The following ROS1 variants were observed in gnomAD, a reference collection of about 807,000 sequenced individuals.
ROS1 encodes the protein proto-oncogene tyrosine-protein kinase ROS.
Under a neutral mutation model 273.5 loss-of-function variants are expected in ROS1, and 263 were observed. The observed-to-expected ratio is 0.96, with a 90% confidence interval of 0.87 to 1.06. The LOEUF (loss-of-function observed/expected upper bound fraction) is 1.06, where lower values mean the gene tolerates loss of function less well. Among genes scored for constraint, ROS1 ranks in the 50% least tolerant of loss-of-function variants. ROS1 has a pLI of 0.00. For synonymous variants in ROS1, 1,008 were observed against 954.1 expected (o/e 1.06, Z -1.04); for missense variants, 2,833 against 2,751.1 (o/e 1.03, Z -0.67).
rs1554248206 is a variant in ROS1, at chr6:117,387,755, C to T, written c.1999+25G>A. On this transcript the variant is annotated intron_variant, in intron 14 of 43. Coordinates refer to ENST00000368507, the MANE Select transcript of ROS1 (RefSeq NM_001378902.1). The stretch of plus-strand genomic sequence containing the variant: ...TAGTCCTCTTTTTGTGAGAGTCACT[C>T]CCTAAATCCAGAACATTTTCTCACC... 2.6e-5 allele frequency: 41 copies of T among 1,602,232 alleles called. No individual in the cohort carries two copies. In the South Asian group the frequency reaches 4.4e-4, roughly 17 times the overall value.
chr6:117,391,356 T>C, intron 12 of ROS1, among the ~76,000 whole-genome samples: 1 of 152,114 alleles, frequency 6.6e-6, no homozygotes, highest in East Asian at 1.9e-4. Context: ...ATATTACAAT[T>C]ATTATATTGA....
At chr6:117,300,906 A>C (rs1774668158) in intron 43 of ROS1, 68 bp downstream of exon 43, 6 of 1,284,522 alleles carry the variant, frequency 4.7e-6, no homozygotes, top group Non-Finnish European at 6.3e-6. Flanking sequence ...TTCTGTGTAC[A>C]TTCCATTTTA....
At chr6:117,327,678 T>C (rs1438682930) in intron 33 of ROS1, among the ~76,000 whole-genome samples, 1 of 152,240 alleles carries the variant, frequency 6.6e-6, no homozygotes, top group African/African-American at 2.4e-5. Flanking sequence ...ATGGTTTGTG[T>C]ACTGGATTGA....
At chr6:117,420,595 AAATAAT>A (rs200795847) in intron 1 of ROS1, among the ~76,000 whole-genome samples, 17 of 148,874 alleles carry the variant, frequency 1.1e-4, no homozygotes, top group African/African-American at 2.9e-4. Context: ...ATAAAATTTT[AAATAAT>A]AATAATAATA....
intron 2 of ROS1, 76 bp from the exon 3 acceptor site, chr6:117,416,393 T>C: frequency 5.2e-6 from 5 of 966,572 alleles, no homozygotes; most frequent in Non-Finnish European, 6.7e-6. Flanking sequence ...AAGTACAATG[T>C]AGTAACAAAA....
intron 35 of ROS1, 54 bp from the exon 36 acceptor site, chr6:117,321,448 C>T: frequency 1.3e-6 from 2 of 1,499,004 alleles, no homozygotes; most frequent in East Asian, 2.3e-5. Flanking sequence ...TTCTTTTTTC[C>T]TTTAGGAAAT....
rs149429683 is a variant in ROS1, at chr6:117,405,243, G to A, written c.317-815C>T. ...TTACTCTGGTTAAGAGAAAATTGAC[G>A]CAATTCTCATCATTACCAACACCAG... On this transcript the variant is annotated intron_variant, in intron 5 of 43. Coordinates refer to ENST00000368507, the MANE Select transcript of ROS1 (RefSeq NM_001378902.1). Among the ~76,000 whole-genome samples the A allele has an allele frequency of 3.4e-3, 521 of 152,136 alleles. 3 individuals carry two copies. The highest frequency in any genetic ancestry group is 0.011 in the African/African-American group (476 of 41,502).
Position 117,300,088 on chromosome 6 carries a change from T to TC in ROS1, c.6715+885_6715+886insG, listed in dbSNP as rs1774583595. ...CAGGCGCCCGCCACCAGGACAGGCT[T>TC]TTTTTTTTTTTTTTTTTTTTTTTTT... is the stretch of plus-strand genomic sequence containing the variant. On this transcript the variant is annotated intron_variant, in intron 43 of 43. Coordinates refer to ENST00000368507, the MANE Select transcript of ROS1 (RefSeq NM_001378902.1). Among the ~76,000 whole-genome samples the TC allele has an allele frequency of 1.0e-4, 10 of 99,686 alleles. No homozygotes were observed. In the South Asian group the frequency reaches 3.1e-3, roughly 31 times the overall value. 65.4% of individuals were successfully genotyped at this position (99,686 alleles called of 152,430 possible).
chr6:117,365,328 G>A (rs540556068), intron 20 of ROS1, 124 bp from the exon 21 acceptor site: 406 of 1,014,064 alleles, frequency 4.0e-4, no homozygotes, highest in Admixed American at 1.2e-3. Context: ...TTTTGGAAGT[G>A]CTAATTTTGG....
In ROS1 at chr6:117,340,047, C is replaced by T. The variant is rs116072725; in HGVS notation, c.5061+1088G>A. Among the ~76,000 whole-genome samples the T allele has an allele frequency of 3.9e-3, 589 of 152,240 alleles. 1 individual carries two copies. The highest frequency in any genetic ancestry group is 0.013 in the African/African-American group (545 of 41,546). On this transcript the variant is annotated intron_variant, in intron 31 of 43. Transcript: ENST00000368507. Reference sequence around the variant, plus strand: ...TTGATAATCTTGGAAATGAACTTTACATCCTTCCTCTTGGTTTTAGACTGA... The same window carrying T: ...TTGATAATCTTGGAAATGAACTTTATATCCTTCCTCTTGGTTTTAGACTGA...
At chr6:117,401,264 CA>C (rs559743849) in intron 7 of ROS1, among the ~76,000 whole-genome samples, 11 of 152,184 alleles carry the variant, frequency 7.2e-5, no homozygotes, top group Non-Finnish European at 1.6e-4. Flanking sequence ...TCCACCCTCC[CA>C]GTCTATTCTC....
In ROS1 at chr6:117,373,808, GA is replaced by G. The variant is rs1308933160; in HGVS notation, c.2582+5250del. Among the ~76,000 whole-genome samples the G allele has an allele frequency of 4.6e-5, 7 of 152,352 alleles. No individual in the cohort carries two copies. In the East Asian group the frequency reaches 1.2e-3, roughly 25 times the overall value. On this transcript the variant is annotated intron_variant, in intron 18 of 43. Transcript: ENST00000368507. ...TCAAGGCCAAAGAGGTGCTGAGAGTGAGCGAGGGCTGCTAGCACGTTGTCAC... is the reference window on the plus strand; with the variant it reads ...TCAAGGCCAAAGAGGTGCTGAGAGTGGCGAGGGCTGCTAGCACGTTGTCAC...
At position 117,394,187 on chromosome 6, in the gene ROS1, C is replaced by G. The variant is rs1466068877; in HGVS notation, c.1166G>C (p.Arg389Thr). ...CAGTTCATCCATGATGAAATACATT[C>G]TTTGATAAAGCCAATCTATGGAGAT... The part of the protein sequence containing the change: ...SSISIDWLYQ[R>T]MYFIMDELVC... Residue 389 changes from arginine (R) to threonine (T), a missense_variant, in exon 11 of 44, where the codon AGA becomes ACA. Transcript: ENST00000368507. The G allele has an allele frequency of 2.5e-6, 4 of 1,592,904 alleles. No individual in the cohort carries two copies. Among genetic ancestry groups the G allele is most frequent in the Non-Finnish European group, 3.4e-6 (4 of 1,171,158 alleles).
intron 5 of ROS1, among the ~76,000 whole-genome samples, chr6:117,404,988 G>A (rs1010030993): frequency 9.2e-5 from 14 of 152,074 alleles, no homozygotes; most frequent in Non-Finnish European, 2.1e-4. Context: ...TATTACAATT[G>A]GCAGCAATTT....
chr6:117,397,138 T>C (rs756443303), intron 7 of ROS1, 22 bp from the exon 8 acceptor site: 2 of 1,497,244 alleles, frequency 1.3e-6, no homozygotes, highest in South Asian at 1.2e-5. Flanking sequence ...AATGGTGACA[T>C]AATGAGCAGA....
intron 2 of ROS1, among the ~76,000 whole-genome samples, chr6:117,417,132 T>TGAGCTCCAGACCCAGA (rs1775398541): frequency 6.6e-6 from 1 of 152,180 alleles, no homozygotes; most frequent in Admixed American, 6.5e-5. Flanking sequence ...GGCTCCATCC[T>TGAGCTCCAGACCCAGA]GAGCTCCAGA....
chr6:117,329,046 ATTAAG>A (rs1300489693), intron 33 of ROS1, among the ~76,000 whole-genome samples: 3 of 152,378 alleles, frequency 2.0e-5, no homozygotes, highest in East Asian at 1.9e-4. Flanking sequence ...CAAAACTGAT[ATTAAG>A]TTAATACTGG....
At chr6:117,405,525 G>A (rs1014596438) in intron 5 of ROS1, among the ~76,000 whole-genome samples, 3 of 152,166 alleles carry the variant, frequency 2.0e-5, no homozygotes, top group Non-Finnish European at 2.9e-5. Context: ...GGAGTTGTCA[G>A]CAGAGTGAGG....
chr6:117,293,811 C>G (rs925074419), intron 43 of ROS1, among the ~76,000 whole-genome samples: 1 of 151,958 alleles, frequency 6.6e-6, no homozygotes, highest in Non-Finnish European at 1.5e-5. Flanking sequence ...AGAATTTGAG[C>G]CTTATCTGTC....
Sources: gnomAD v4.1 joint callset for allele counts (sites outside exome capture counted in the v4.1 genomes callset) on GRCh38, gnomAD v4.1.1 for gene constraint, MANE v1.5 for transcripts, NCBI Gene and HGNC (gene_info 2026-07-23, HGNC 2026-07-21) for gene names.